The following RAB3GAP1 variants were observed in gnomAD, a reference collection of about 807,000 sequenced individuals.
RAB3GAP1 encodes the protein rab3 GTPase-activating protein catalytic subunit.
Under a neutral mutation model 130.7 loss-of-function variants are expected in RAB3GAP1, and 86 were observed. The ratio of observed to expected loss-of-function variants is 0.66; its 90% CI spans 0.55 to 0.79. RAB3GAP1 has a LOEUF of 0.79. Ranked by LOEUF, RAB3GAP1 falls within the 30% of genes least tolerant of loss-of-function variation. The pLI, the probability that RAB3GAP1 is intolerant of heterozygous loss-of-function variation, is 0.00. For missense variants in RAB3GAP1, 1,029 were observed against 1,169.4 expected (o/e 0.88, Z 1.75); for synonymous variants, 367 against 401.7 (o/e 0.91, Z 1.03).
At chr2:135,059,229 A>G (rs903737337) in intron 3 of RAB3GAP1, among the ~76,000 whole-genome samples, 3 of 152,204 alleles carry the variant, frequency 2.0e-5, no homozygotes, top group Non-Finnish European at 2.9e-5. Context: ...CACTTGAAAC[A>G]AATACATAAC....
Position 135,070,669 on chromosome 2 carries a change from G to A in RAB3GAP1, c.150+12583G>A, listed in dbSNP as rs146905955. ...ATTACAGGTGCCCACCATCACGCCC[G>A]TCCAATTTTGTGTTTTTAGTAGAGA... On this transcript the variant is annotated intron_variant, in intron 3 of 23. Transcript: ENST00000264158. Among the ~76,000 whole-genome samples, 33 of 152,096 alleles carry A rather than the reference G, an allele frequency of 2.2e-4. 3 individuals carry two copies. The highest frequency in any genetic ancestry group is 8.3e-4 in the South Asian group (4 of 4,816).
chr2:135,101,078 A>G (rs1483743303), intron 5 of RAB3GAP1, among the ~76,000 whole-genome samples: 1 of 152,220 alleles, frequency 6.6e-6, no homozygotes, highest in Non-Finnish European at 1.5e-5. Context: ...AAGGTTGGGT[A>G]TAGCAGTAGA....
At chr2:135,079,460 A>G (rs1689723477) in intron 3 of RAB3GAP1, among the ~76,000 whole-genome samples, 1 of 152,152 alleles carries the variant, frequency 6.6e-6, no homozygotes, top group African/African-American at 2.4e-5. Flanking sequence ...TCCATTGCCT[A>G]CAGGGTAGTC....
chr2:135,156,453 A>G (rs562912319), intron 19 of RAB3GAP1, among the ~76,000 whole-genome samples: 1 of 152,296 alleles, frequency 6.6e-6, no homozygotes, highest in Admixed American at 6.5e-5. Flanking sequence ...AGACTCTAAT[A>G]TCATTTTAAG....
chr2:135,100,623 G>A (rs1193200614), intron 5 of RAB3GAP1, among the ~76,000 whole-genome samples: 1 of 152,174 alleles, frequency 6.6e-6, no homozygotes, highest in Non-Finnish European at 1.5e-5. Flanking sequence ...AGTTTAGGAA[G>A]CCAACAACAA....
At chr2:135,102,285 A>T (rs1172159170) in intron 5 of RAB3GAP1, among the ~76,000 whole-genome samples, 1 of 152,228 alleles carries the variant, frequency 6.6e-6, no homozygotes, top group African/African-American at 2.4e-5. Flanking sequence ...CCAAGTAATG[A>T]GGGTAAGCCT....
intron 17 of RAB3GAP1, among the ~76,000 whole-genome samples, chr2:135,150,001 T>C (rs985214175): frequency 2.0e-5 from 3 of 152,186 alleles, no homozygotes; most frequent in Admixed American, 6.5e-5. Flanking sequence ...CTATTACTTA[T>C]AATTAAAATT....
chr2:135,164,740 C>A, intron 23 of RAB3GAP1, 44 bp downstream of exon 23: 1 of 1,481,876 alleles, frequency 6.7e-7, no homozygotes, highest in South Asian at 1.2e-5. Flanking sequence ...CTCTCCAAAC[C>A]TCTACTTGGG....
intron 11 of RAB3GAP1, among the ~76,000 whole-genome samples, chr2:135,129,022 A>C (rs1311186339): frequency 6.6e-6 from 1 of 152,158 alleles, no homozygotes; most frequent in Non-Finnish European, 1.5e-5. Context: ...ATGGTGATGC[A>C]CACATGTAGT....
In RAB3GAP1 at chr2:135,113,215, T is replaced by C. The variant is rs751733217; in HGVS notation, c.427T>C (p.Ser143Pro). Residue 143 changes from serine (S) to proline (P), a missense_variant, in exon 6 of 24, where the codon TCT becomes CCT. Ser to Pro is a moderately conservative substitution (Grantham distance 74). Around this residue, in one of 3 missense-constraint regions of RAB3GAP1, gnomAD observed 510 missense variants for 532.1 expected, o/e 0.96. Transcript: ENST00000264158. ...ACACAGTGACGCTGTTCTCAGCGAA[T>C]CTAAGTGCAACCTTCTTCTGAGTTC... ...AAHSDAVLSESKCNLLLSSVS... is the reference protein window; with the variant it reads ...AAHSDAVLSEPKCNLLLSSVS... The C allele has an allele frequency of 1.2e-6, 2 of 1,614,170 alleles. No homozygotes were observed. The highest frequency in any genetic ancestry group is 1.1e-5 in the South Asian group (1 of 91,084).
At chr2:135,117,588 T>TCTGCTG (rs1691037029) in intron 7 of RAB3GAP1, among the ~76,000 whole-genome samples, 1 of 138,940 alleles carries the variant, frequency 7.2e-6, no homozygotes, top group African/African-American at 2.7e-5. Context: ...TTCTGCTTCT[T>TCTGCTG]CTTCTGCTGC....
At chr2:135,115,442 CATTTT>C (rs1411948580) in intron 7 of RAB3GAP1, 61 bp downstream of exon 7, 2 of 1,497,062 alleles carry the variant, frequency 1.3e-6, no homozygotes, top group African/African-American at 2.8e-5. Context: ...GAGATTTGAT[CATTTT>C]ATTCAGCATA....
chr2:135,134,030 C>T lies in RAB3GAP1; in HGVS notation c.1496C>T (p.Pro499Leu), dbSNP rs373494523. Residue 499 changes from proline (P) to leucine (L), a missense_variant, in exon 15 of 24, where the codon CCA becomes CTA. By Grantham distance (98) the Pro-to-Leu change is moderately conservative (BLOSUM62 -3). Around this residue, in one of 3 missense-constraint regions of RAB3GAP1, gnomAD observed 373 missense variants for 493.6 expected, o/e 0.76. Coordinates refer to ENST00000264158, the MANE Select transcript of RAB3GAP1 (RefSeq NM_012233.3). Reference sequence around the variant, plus strand: ...CGATGGGAAAACAACTTTCTGATTCCAGGGTAATAATTTCAATTTTCAATT... The same window carrying T: ...CGATGGGAAAACAACTTTCTGATTCTAGGGTAATAATTTCAATTTTCAATT... ...RFRWENNFLI[P>L]GLASGPPDLR... is the part of the protein sequence containing the mutation. The T allele has an allele frequency of 3.7e-6, 6 of 1,613,524 alleles. No homozygotes were observed. Among genetic ancestry groups the T allele is most frequent in the Non-Finnish European group, 5.1e-6 (6 of 1,179,718 alleles).
chr2:135,152,088 G>A (rs1022868349), intron 18 of RAB3GAP1, among the ~76,000 whole-genome samples: 6 of 152,240 alleles, frequency 3.9e-5, no homozygotes, highest in African/African-American at 1.4e-4. Context: ...ACACCCATAT[G>A]TAGAAATCAG....
At chr2:135,132,667 A>C (rs1691581780) in intron 13 of RAB3GAP1, among the ~76,000 whole-genome samples, 1 of 152,220 alleles carries the variant, frequency 6.6e-6, no homozygotes, top group African/African-American at 2.4e-5. Context: ...CTTTTAAGAA[A>C]AAAATTCTAA....
At chr2:135,069,000 A>T (rs753351976) in intron 3 of RAB3GAP1, among the ~76,000 whole-genome samples, 9 of 152,198 alleles carry the variant, frequency 5.9e-5, no homozygotes, top group Admixed American at 2.0e-4. Flanking sequence ...AGCCATAATC[A>T]TTTACGGGAG....
At chr2:135,173,898 A>G (rs1324961018), downstream of RAB3GAP1, among the ~76,000 whole-genome samples, 1 of 152,214 alleles carries the variant, frequency 6.6e-6, no homozygotes, top group Non-Finnish European at 1.5e-5. Flanking sequence ...CTCTATGGCA[A>G]AAGAGGCCCC....
At chr2:135,143,275 TATA>T (rs1691897347) in intron 17 of RAB3GAP1, among the ~76,000 whole-genome samples, 3 of 152,146 alleles carry the variant, frequency 2.0e-5, no homozygotes, top group Admixed American at 2.0e-4. Context: ...TTATAGAATC[TATA>T]ATGATATTGC....
intron 5 of RAB3GAP1, among the ~76,000 whole-genome samples, chr2:135,095,194 G>A (rs527548267): frequency 9.2e-5 from 14 of 152,238 alleles, no homozygotes; most frequent in African/African-American, 3.4e-4. Flanking sequence ...GACTACATGT[G>A]TCCACCACCA....
Sources: allele counts gnomAD v4.1 joint callset (sites outside exome capture counted in the v4.1 genomes callset), GRCh38; gene constraint gnomAD v4.1.1; regional missense constraint gnomAD v4.1.1; transcripts MANE v1.5; gene names NCBI Gene and HGNC (gene_info 2026-07-23, HGNC 2026-07-21).